The following THSD7B variants were observed in gnomAD, a reference collection of about 807,000 sequenced individuals.
THSD7B encodes the protein thrombospondin type 1 domain containing 7B, also known as thrombospondin type-1 domain-containing protein 7B.
Under a neutral mutation model 213.6 loss-of-function variants are expected in THSD7B, and 138 were observed. The ratio of observed to expected loss-of-function variants is 0.65; its 90% CI spans 0.56 to 0.74. The LOEUF (loss-of-function observed/expected upper bound fraction) is 0.74, where lower values mean the gene tolerates loss of function less well. THSD7B is among the 30% of genes least tolerant of loss of function. The pLI is 0.00. For synonymous variants in THSD7B, 742 were observed against 687.0 expected (o/e 1.08, Z -1.25); for missense variants, 1,931 against 1,991.5 (o/e 0.97, Z 0.58).
At chr2:137,309,610 C>T (rs1010201636) in intron 12 of THSD7B, among the ~76,000 whole-genome samples, 9 of 152,026 alleles carry the variant, frequency 5.9e-5, no homozygotes, top group Admixed American at 1.3e-4. Flanking sequence ...CACCCACTAC[C>T]TCGTCATCTA....
chr2:136,924,381 T>A (rs1334235452), intron 2 of THSD7B, among the ~76,000 whole-genome samples: 1 of 139,824 alleles, frequency 7.2e-6, no homozygotes, highest in Non-Finnish European at 1.6e-5. Flanking sequence ...TGGTGTATGA[T>A]ATAAGGATCC....
intron 7 of THSD7B, among the ~76,000 whole-genome samples, chr2:137,197,948 G>C (rs1445120632): frequency 6.6e-6 from 1 of 152,148 alleles, no homozygotes; most frequent in Non-Finnish European, 1.5e-5. Flanking sequence ...ACACACTCAT[G>C]CACACGTGTA....
chr2:136,880,990 A>C (rs1460089155), intron 1 of THSD7B, among the ~76,000 whole-genome samples: 1 of 151,950 alleles, frequency 6.6e-6, no homozygotes, highest in Non-Finnish European at 1.5e-5. Flanking sequence ...ATCTTAGTCC[A>C]TTCCTCCCTC....
intron 2 of THSD7B, among the ~76,000 whole-genome samples, chr2:136,961,795 G>A (rs1230743864): frequency 6.6e-6 from 1 of 152,170 alleles, no homozygotes; most frequent in Non-Finnish European, 1.5e-5. Flanking sequence ...ACAACCTTCG[G>A]TTACTAATCA....
At chr2:136,912,348 A>AAG (rs60594013) in intron 2 of THSD7B, among the ~76,000 whole-genome samples, 8 of 148,760 alleles carry the variant, frequency 5.4e-5, no homozygotes, top group Non-Finnish European at 1.0e-4. Flanking sequence ...AAAAAAAAAA[A>AAG]GGAGAGAGGA....
intron 12 of THSD7B, among the ~76,000 whole-genome samples, chr2:137,343,775 A>G (rs1029468077): frequency 6.6e-6 from 1 of 151,858 alleles, no homozygotes; most frequent in Admixed American, 6.6e-5. Context: ...GGCTGAGAAC[A>G]TGCTACAGTG....
chr2:137,057,943 T>A (rs1687201332), intron 3 of THSD7B, among the ~76,000 whole-genome samples: 1 of 152,238 alleles, frequency 6.6e-6, no homozygotes, highest in African/African-American at 2.4e-5. Flanking sequence ...TTGAAAGTAG[T>A]ATTTGTTTAA....
intron 12 of THSD7B, among the ~76,000 whole-genome samples, chr2:137,279,542 C>T (rs1430802983): frequency 6.6e-6 from 1 of 151,946 alleles, no homozygotes; most frequent in Non-Finnish European, 1.5e-5. Context: ...GACCCTGGCT[C>T]AAACAATAAT....
chr2:137,042,094 T>G (rs1432232), intron 2 of THSD7B, among the ~76,000 whole-genome samples: 88,402 of 152,130 alleles, frequency 0.58, 29,665 homozygotes, highest in Non-Finnish European at 0.73. Flanking sequence ...CCTGAAATAT[T>G]CTGATTTCTG....
chr2:137,075,154 T>C (rs116051402), intron 3 of THSD7B, among the ~76,000 whole-genome samples: 2,498 of 152,310 alleles, frequency 0.016, 69 homozygotes, highest in African/African-American at 0.056. Flanking sequence ...TTGGGGAAAG[T>C]CTCCTAGATA....
intron 12 of THSD7B, among the ~76,000 whole-genome samples, chr2:137,373,782 G>A (rs1390638169): frequency 6.6e-6 from 1 of 152,136 alleles, no homozygotes; most frequent in African/African-American, 2.4e-5. Flanking sequence ...CCATGCCTAT[G>A]TCCTGAATGG....
At chr2:136,951,775 C>G (rs1338984557) in intron 2 of THSD7B, among the ~76,000 whole-genome samples, 1 of 152,208 alleles carries the variant, frequency 6.6e-6, no homozygotes, top group Admixed American at 6.5e-5. Flanking sequence ...AAAGAACTGT[C>G]AAAATGTAAA....
intron 2 of THSD7B, among the ~76,000 whole-genome samples, chr2:136,984,514 C>T (rs1443253942): frequency 6.6e-6 from 1 of 152,144 alleles, no homozygotes; most frequent in African/African-American, 2.4e-5. Flanking sequence ...TGGTTGTAAG[C>T]CTCCTGGGTC....
chr2:137,310,604 C>A (rs1238101536), intron 12 of THSD7B, among the ~76,000 whole-genome samples: 1 of 151,540 alleles, frequency 6.6e-6, no homozygotes, highest in Non-Finnish European at 1.5e-5. Flanking sequence ...AATGGTAATG[C>A]CTAGGTTTTC....
intron 2 of THSD7B, among the ~76,000 whole-genome samples, chr2:136,998,007 A>G (rs1158966261): frequency 6.6e-6 from 1 of 152,146 alleles, no homozygotes; most frequent in Non-Finnish European, 1.5e-5. Context: ...CCCAAAATTC[A>G]GTAGTCACAC....
rs184604042 is a variant in THSD7B, at chr2:136,809,183, G to A, written c.-36+43496G>A. Among the ~76,000 whole-genome samples, 4 of 152,160 alleles carry A rather than the reference G, an allele frequency of 2.6e-5. 1 individual carries two copies. The highest frequency in any genetic ancestry group is 6.3e-3 in the Middle Eastern group (2 of 316). ...CATGATCAAATCAAGGCAGGGTCTA[G>A]GAATCTGGAGAACACGAGTTGGCAG... On this transcript the variant is annotated intron_variant, in intron 1 of 27. Transcript: ENST00000409968.
At chr2:137,441,539 T>C (rs551632559) in intron 14 of THSD7B, among the ~76,000 whole-genome samples, 10 of 152,200 alleles carry the variant, frequency 6.6e-5, no homozygotes, top group Admixed American at 2.0e-4. Flanking sequence ...CCATGACATA[T>C]GTAGAGTTGT....
intron 5 of THSD7B, among the ~76,000 whole-genome samples, chr2:137,145,497 G>T (rs1476933450): frequency 1.3e-5 from 2 of 151,956 alleles, no homozygotes; most frequent in Non-Finnish European, 2.9e-5. Flanking sequence ...GCCCCTAAAG[G>T]CTTTCTGACT....
At chr2:137,161,345 A>G (rs1370301250) in intron 6 of THSD7B, among the ~76,000 whole-genome samples, 1 of 152,220 alleles carries the variant, frequency 6.6e-6, no homozygotes, top group Non-Finnish European at 1.5e-5. Context: ...ATCCAAGGAC[A>G]TTCCAGAAAT....
Sources: gnomAD v4.1 joint callset for allele counts (sites outside exome capture counted in the v4.1 genomes callset) on GRCh38, gnomAD v4.1.1 for gene constraint, MANE v1.5 for transcripts, NCBI Gene and HGNC (gene_info 2026-07-23, HGNC 2026-07-21) for gene names.